PDZRN4: variants seen among roughly 807,000 people sequenced by gnomAD.
PDZRN4 encodes the protein PDZ domain containing ring finger 4, also known as PDZ domain-containing RING finger protein 4.
A neutral mutation model predicts 99.0 loss-of-function variants in PDZRN4; 70 were observed. The observed-to-expected ratio is 0.71, with a 90% CI of 0.58 to 0.86. PDZRN4 has a LOEUF of 0.86. PDZRN4 is among the 40% of genes least tolerant of loss of function. The probability of loss-of-function intolerance (pLI) is 0.00; values close to 1 mark genes in which losing one functional copy is unlikely to be tolerated. For synonymous variants in PDZRN4, 551 were observed against 501.6 expected, an observed-to-expected ratio of 1.10 and a Z score of -1.32; for missense variants, 1,474 against 1,331.2, an observed-to-expected ratio of 1.11 and a Z score of -1.67.
chr12:41,552,764 G>A lies in PDZRN4; in HGVS notation c.1302+10G>A, dbSNP rs376680058. 5.1e-5 allele frequency: 81 copies of A among 1,599,224 alleles called. No homozygotes were observed. In the South Asian group the frequency reaches 6.1e-4, roughly 12 times the overall value. On this transcript the variant is annotated intron_variant, in intron 6 of 9. Transcript: ENST00000402685. Reference sequence around the variant, plus strand: ...CATTTATGTCAGCGAGGTAAGAAACGCCATGGAGGGGAAATTCGAGGAGGG... The same window carrying A: ...CATTTATGTCAGCGAGGTAAGAAACACCATGGAGGGGAAATTCGAGGAGGG...
intron 3 of PDZRN4, among the ~76,000 whole-genome samples, chr12:41,439,492 G>A (rs1367198015): frequency 6.6e-6 from 1 of 152,100 alleles, no homozygotes; most frequent in African/African-American, 2.4e-5. Flanking sequence ...TGGAGAGCGT[G>A]GTAGGTGGCA....
intron 3 of PDZRN4, among the ~76,000 whole-genome samples, chr12:41,463,799 A>ATTC (rs1189023180): frequency 6.6e-6 from 1 of 152,218 alleles, no homozygotes; most frequent in Non-Finnish European, 1.5e-5. Context: ...TTATTATCAG[A>ATTC]AAACAACTGG....
intron 3 of PDZRN4, among the ~76,000 whole-genome samples, chr12:41,343,094 A>G (rs1437449582): frequency 6.6e-6 from 1 of 151,940 alleles, no homozygotes; most frequent in Non-Finnish European, 1.5e-5. Flanking sequence ...GGCCTGGAGG[A>G]TATAATGTTA....
At chr12:41,300,820 T>A (rs1951530884) in intron 3 of PDZRN4, among the ~76,000 whole-genome samples, 1 of 151,978 alleles carries the variant, frequency 6.6e-6, no homozygotes, top group African/African-American at 2.4e-5. Flanking sequence ...GACTTCCTTG[T>A]GTTTTATGGA....
intron 3 of PDZRN4, among the ~76,000 whole-genome samples, chr12:41,317,664 T>C (rs1951647634): frequency 6.6e-6 from 1 of 152,208 alleles, no homozygotes; most frequent in African/African-American, 2.4e-5. Flanking sequence ...ATAATTAGTA[T>C]GAATAATTGT....
At position 41,389,199 on chromosome 12, in the gene PDZRN4, C is replaced by T. The variant is rs182966811; in HGVS notation, c.844-117257C>T. Among the ~76,000 whole-genome samples the T allele has an allele frequency of 4.6e-5, 7 of 152,070 alleles. 1 individual carries two copies. Among genetic ancestry groups the T allele is most frequent in the Admixed American group, 2.6e-4 (4 of 15,252 alleles). Reference sequence around the variant, plus strand: ...TCTAAAATGGAGTGTACTCGAAAGGCCCATGATAAGATATAAAAAATACTG... The same window carrying T: ...TCTAAAATGGAGTGTACTCGAAAGGTCCATGATAAGATATAAAAAATACTG... On this transcript the variant is annotated intron_variant, in intron 3 of 9. Transcript: ENST00000402685.
intron 3 of PDZRN4, among the ~76,000 whole-genome samples, chr12:41,196,218 T>C (rs1566351094): frequency 6.6e-6 from 1 of 152,100 alleles, no homozygotes; most frequent in East Asian, 1.9e-4. Flanking sequence ...CCCTGTAAGA[T>C]AAAAAGTAAG....
At chr12:41,248,933 C>A (rs577832629) in intron 3 of PDZRN4, among the ~76,000 whole-genome samples, 65 of 152,012 alleles carry the variant, frequency 4.3e-4, no homozygotes, top group African/African-American at 1.5e-3. Context: ...TGGTAATAAC[C>A]AGAAAGCATT....
At chr12:41,492,376 A>C (rs543676852) in intron 3 of PDZRN4, among the ~76,000 whole-genome samples, 1 of 152,308 alleles carries the variant, frequency 6.6e-6, no homozygotes, top group South Asian at 2.1e-4. Flanking sequence ...AATTAAGAAA[A>C]GGGTCAGAAG....
chr12:41,520,553 G>T (rs771205488), intron 5 of PDZRN4, among the ~76,000 whole-genome samples: 1 of 151,374 alleles, frequency 6.6e-6, no homozygotes, highest in Non-Finnish European at 1.5e-5. Flanking sequence ...GAGAAAATAT[G>T]ATCATATTTT....
intron 5 of PDZRN4, among the ~76,000 whole-genome samples, chr12:41,537,266 T>C (rs956181660): frequency 2.0e-5 from 3 of 152,094 alleles, no homozygotes; most frequent in African/African-American, 7.2e-5. Context: ...GGTAAACACG[T>C]GGTTTGAAAT....
chr12:41,188,893 CG>C lies in PDZRN4; in HGVS notation c.444del (p.Pro149ArgfsTer79), dbSNP rs1340631239. ...GGGCTGGCCGGGGCGGGGGCGCGCGCGGGGGGCCGCCGGGCGGCCGCTGGGG... is the reference window on the plus strand; with the variant it reads ...GGGCTGGCCGGGGCGGGGGCGCGCGCGGGGGCCGCCGGGCGGCCGCTGGGG... ...PRAGRGGGAR[G>X]GPPGGRWGRG... is the part of the protein sequence containing the mutation. On this transcript the variant is annotated frameshift_variant, in exon 1 of 10. Coordinates refer to ENST00000402685, the MANE Select transcript of PDZRN4 (RefSeq NM_001164595.2). LOFTEE classifies it high-confidence loss of function. 29 of 1,092,628 alleles carry C rather than the reference CG, an allele frequency of 2.7e-5. No homozygotes were observed. The highest frequency in any genetic ancestry group is 8.6e-5 in the South Asian group (2 of 23,166). The allele number at this position is 1,092,628 out of a possible 1,614,324, so 67.7% of individuals were successfully genotyped here. A position where few individuals can be genotyped will look rare whatever the true frequency, so the allele number is the denominator to read the frequency against.
Position 41,460,210 on chromosome 12 carries a change from T to A in PDZRN4, c.844-46246T>A, listed in dbSNP as rs149386569. ...TTTATTCCTATATTGAATATCCTAG[T>A]CAGGTAGGTTTTAGGAATAGGCAAA... On this transcript the variant is annotated intron_variant, in intron 3 of 9. Transcript: ENST00000402685. 193 of 579,634 alleles carry A rather than the reference T, an allele frequency of 3.3e-4. No homozygotes were observed. In the African/African-American group the frequency reaches 3.4e-3, roughly 10 times the overall value. 35.9% of individuals were successfully genotyped at this position (579,634 alleles called of 1,614,324 possible). A position where few individuals can be genotyped will look rare whatever the true frequency, so the allele number is the denominator to read the frequency against.
chr12:41,477,723 C>G (rs765455354), intron 3 of PDZRN4: 150 of 681,008 alleles, frequency 2.2e-4, no homozygotes, highest in Admixed American at 3.7e-4. Flanking sequence ...GGTGAACAGA[C>G]CAACTCCGCA....
chr12:41,499,452 C>G (rs765615454), intron 3 of PDZRN4, among the ~76,000 whole-genome samples: 1 of 151,966 alleles, frequency 6.6e-6, no homozygotes, highest in Non-Finnish European at 1.5e-5. Context: ...TACCATAACA[C>G]GTTTCTTAAT....
At chr12:41,436,134 G>T (rs1814186142) in intron 3 of PDZRN4, among the ~76,000 whole-genome samples, 2 of 152,272 alleles carry the variant, frequency 1.3e-5, no homozygotes, top group South Asian at 4.2e-4. Flanking sequence ...CCTACAAGTG[G>T]TTTCTAATTT....
Position 41,573,476 on chromosome 12 carries a change from G to C in PDZRN4, c.2697G>C (p.Arg899=). ...WKVKIRSDGT[R]YITKRPVRDR... is the part of the protein sequence containing the mutation. ...TGAAAATTAGGAGCGACGGGACACG[G>C]TACATCACAAAGAGACCCGTGCGAG... Residue 899 remains arginine (R), a synonymous_variant, in exon 10 of 10, where the codon CGG becomes CGC. Coordinates refer to ENST00000402685, the MANE Select transcript of PDZRN4 (RefSeq NM_001164595.2). 1 of 1,613,982 alleles carries C rather than the reference G, an allele frequency of 6.2e-7. No homozygotes were observed. The highest frequency in any genetic ancestry group is 8.5e-7 in the Non-Finnish European group (1 of 1,179,998).
intron 3 of PDZRN4, among the ~76,000 whole-genome samples, chr12:41,356,274 A>C (rs11180847): frequency 0.36 from 55,226 of 151,864 alleles, 10,124 homozygotes; most frequent in Non-Finnish European, 0.39. Context: ...GAATTAATGG[A>C]GATTGGATTC....
At chr12:41,506,363 G>C in intron 3 of PDZRN4, 93 bp from the exon 4 acceptor site, 1 of 1,182,916 alleles carries the variant, frequency 8.5e-7, no homozygotes, top group Non-Finnish European at 1.2e-6. Flanking sequence ...TATCAGGGCT[G>C]GTTGAAACCT....
Sources: allele counts gnomAD v4.1 joint callset (sites outside exome capture counted in the v4.1 genomes callset), GRCh38; gene constraint gnomAD v4.1.1; transcripts MANE v1.5; gene names NCBI Gene and HGNC (gene_info 2026-07-23, HGNC 2026-07-21).